Variants in PTGER2 observed in about 807,000 individuals in gnomAD.
PTGER2 encodes prostaglandin E2 receptor EP2 subtype.
In PTGER2, 22 loss-of-function variants were observed where a neutral mutation model predicts 26.2. The ratio of observed to expected loss-of-function variants is 0.84; its 90% CI spans 0.60 to 1.20. PTGER2 has a LOEUF of 1.20. Among genes scored for constraint, PTGER2 ranks in the 50% most tolerant of loss-of-function variants. The pLI, the probability that PTGER2 is intolerant of heterozygous loss-of-function variation, is 0.00. For missense variants in PTGER2, 458 were observed against 475.2 expected, an observed-to-expected ratio of 0.96 and a Z score of 0.34; for synonymous variants, 219 against 208.9, an observed-to-expected ratio of 1.05 and a Z score of -0.42.
Position 52,318,809 on chromosome 14 carries a change from GT to G in PTGER2, c.843+3426del, listed in dbSNP as rs1213179903. On this transcript the variant is annotated intron_variant, in intron 1 of 1. Transcript: ENST00000245457. ...CCAAAATTTTGGAAGTAAAACTGTAGTTTTTTTTAAAGGCCCAGTCCCTTCA... is the reference window on the plus strand; with the variant it reads ...CCAAAATTTTGGAAGTAAAACTGTAGTTTTTTTAAAGGCCCAGTCCCTTCA... 6.6e-5 allele frequency among the ~76,000 whole-genome samples: 10 copies of G among 152,204 alleles called. No individual in the cohort carries two copies. In the East Asian group the frequency reaches 1.9e-3, roughly 29 times the overall value.
intron 1 of PTGER2, among the ~76,000 whole-genome samples, chr14:52,324,597 G>C (rs1176408828): frequency 6.6e-6 from 1 of 152,116 alleles, no homozygotes; most frequent in Non-Finnish European, 1.5e-5. Context: ...GCAGAAAAGT[G>C]AAAATATAAA....
chr14:52,317,252 G>A (rs2033850040), intron 1 of PTGER2, among the ~76,000 whole-genome samples: 1 of 152,100 alleles, frequency 6.6e-6, no homozygotes, highest in Non-Finnish European at 1.5e-5. Flanking sequence ...ATGGGTTTGG[G>A]GTGATAACAC....
intron 1 of PTGER2, among the ~76,000 whole-genome samples, chr14:52,326,212 G>C (rs2033949159): frequency 6.6e-6 from 1 of 152,226 alleles, no homozygotes; most frequent in Non-Finnish European, 1.5e-5. Context: ...AGATGTGTCA[G>C]CTTTCCAGTG....
Position 52,327,557 on chromosome 14 carries a change from C to A in PTGER2, c.*103C>A. ...AGTGTGTAAACAAAATGAAGCTGCC[C>A]TAATAAAAAGGAGTATACAAACATT... On this transcript the variant is annotated 3_prime_UTR_variant, in exon 2 of 2. Transcript: ENST00000245457. The A allele has an allele frequency of 1.0e-6, 1 of 957,178 alleles. No individual in the cohort carries two copies. Among genetic ancestry groups the A allele is most frequent in the Non-Finnish European group, 1.5e-6 (1 of 651,432 alleles). 59.3% of individuals were successfully genotyped at this position (957,178 alleles called of 1,614,324 possible). A position where few individuals can be genotyped will look rare whatever the true frequency, so the allele number is the denominator to read the frequency against.
At chr14:52,323,480 C>G (rs1423529712) in intron 1 of PTGER2, among the ~76,000 whole-genome samples, 1 of 152,154 alleles carries the variant, frequency 6.6e-6, no homozygotes, top group African/African-American at 2.4e-5. Context: ...TCTCAAACTT[C>G]TCACCTCAGG....
At chr14:52,326,650 G>T (rs1328491385) in intron 1 of PTGER2, among the ~76,000 whole-genome samples, 1 of 152,166 alleles carries the variant, frequency 6.6e-6, no homozygotes, top group East Asian at 1.9e-4. Context: ...CCCACTCAGG[G>T]TGTTCCATTG....
chr14:52,322,171 G>C (rs940091249), intron 1 of PTGER2, among the ~76,000 whole-genome samples: 2 of 152,154 alleles, frequency 1.3e-5, no homozygotes, highest in Non-Finnish European at 2.9e-5. Context: ...CTGAGAAAGA[G>C]AAAGAGTACG....
chr14:52,321,859 T>C (rs1428226738), intron 1 of PTGER2, among the ~76,000 whole-genome samples: 2 of 152,184 alleles, frequency 1.3e-5, no homozygotes, highest in Admixed American at 6.5e-5. Flanking sequence ...AAAATCAGAT[T>C]GTATATTAAT....
In PTGER2 at chr14:52,314,687, G is replaced by A. The variant is rs746851094; in HGVS notation, c.139G>A (p.Ala47Thr). The change falls in exon 1 of 2, where the codon GCG becomes ACG. Residue 47 changes from alanine (A) to threonine (T), a missense_variant. Coordinates refer to ENST00000245457, the MANE Select transcript of PTGER2 (RefSeq NM_000956.4). The surrounding 1 kb of genome is among the most constrained non-coding windows in gnomAD (Gnocchi z 5.7). ...LGNLIALALLARRWRGDVGCS... is the reference protein window; with the variant it reads ...LGNLIALALLTRRWRGDVGCS... Reference sequence around the variant, plus strand: ...GAACCTCATAGCACTGGCGCTGCTGGCGCGCCGCTGGCGGGGGGACGTGGG... The same window carrying A: ...GAACCTCATAGCACTGGCGCTGCTGACGCGCCGCTGGCGGGGGGACGTGGG... 6.5e-7 allele frequency: 1 copy of A among 1,549,666 alleles called. No homozygotes were observed. Among genetic ancestry groups the A allele is most frequent in the South Asian group, 1.2e-5 (1 of 82,008 alleles).
intron 1 of PTGER2, among the ~76,000 whole-genome samples, chr14:52,317,403 G>A (rs1181930573): frequency 6.6e-6 from 1 of 152,204 alleles, no homozygotes; most frequent in African/African-American, 2.4e-5. Context: ...CTGTTTTCAT[G>A]TAAATTGGCC....
rs753177423 is a variant in PTGER2, at chr14:52,314,713, G to A, written c.165G>A (p.Gly55=). Residue 55 remains glycine, a synonymous_variant, in exon 1 of 2, where the codon GGG becomes GGA. Coordinates refer to ENST00000245457, the MANE Select transcript of PTGER2 (RefSeq NM_000956.4). This position sits in a 1 kb window ranked among gnomAD's most constrained non-coding sequence, Gnocchi z 5.7. ...LLARRWRGDV[G]CSAGRRSSLS... Reference sequence around the variant, plus strand: ...CGCGCCGCTGGCGGGGGGACGTGGGGTGCAGCGCCGGCCGCAGGAGCTCCC... The same window carrying A: ...CGCGCCGCTGGCGGGGGGACGTGGGATGCAGCGCCGGCCGCAGGAGCTCCC... 6.5e-5 allele frequency: 103 copies of A among 1,575,098 alleles called. No homozygotes were observed. Among genetic ancestry groups the A allele is most frequent in the Non-Finnish European group, 7.6e-5 (88 of 1,156,184 alleles).
chr14:52,325,365 G>A (rs185441839), intron 1 of PTGER2, among the ~76,000 whole-genome samples: 13 of 152,252 alleles, frequency 8.5e-5, no homozygotes, highest in Non-Finnish European at 1.5e-5. Context: ...ATCTTAATGT[G>A]TGAAGCTGCA....
intron 1 of PTGER2, among the ~76,000 whole-genome samples, chr14:52,316,538 G>A (rs2033842976): frequency 6.6e-6 from 1 of 152,182 alleles, no homozygotes; most frequent in African/African-American, 2.4e-5. Context: ...CAATCTTGGA[G>A]AAAAGAGATG....
At chr14:52,323,010 G>C (rs1029417205) in intron 1 of PTGER2, among the ~76,000 whole-genome samples, 7 of 152,328 alleles carry the variant, frequency 4.6e-5, no homozygotes, top group Non-Finnish European at 8.8e-5. Context: ...GTCCTGAGGT[G>C]ACGTACATCC....
intron 1 of PTGER2, among the ~76,000 whole-genome samples, chr14:52,319,642 C>T (rs950281726): frequency 3.3e-5 from 5 of 152,200 alleles, no homozygotes; most frequent in African/African-American, 1.2e-4. Flanking sequence ...ATATATGAGA[C>T]CTCTATTCTT....
At chr14:52,319,375 C>T (rs2033872733) in intron 1 of PTGER2, among the ~76,000 whole-genome samples, 2 of 152,112 alleles carry the variant, frequency 1.3e-5, no homozygotes, top group African/African-American at 4.8e-5. Flanking sequence ...ATCAGATTAT[C>T]CCTCACATAA....
chr14:52,321,946 TAAATG>T (rs574457884), intron 1 of PTGER2, among the ~76,000 whole-genome samples: 118 of 152,302 alleles, frequency 7.7e-4, no homozygotes, highest in African/African-American at 2.3e-3. Context: ...TTAAGTGTGA[TAAATG>T]AATAATTTTA....
intron 1 of PTGER2, among the ~76,000 whole-genome samples, chr14:52,321,761 C>T (rs911281862): frequency 6.6e-6 from 1 of 152,120 alleles, no homozygotes; most frequent in African/African-American, 2.4e-5. Context: ...ACAAAATATG[C>T]CTTATAAATT....
At chr14:52,324,587 G>T (rs2033930096) in intron 1 of PTGER2, among the ~76,000 whole-genome samples, 1 of 152,180 alleles carries the variant, frequency 6.6e-6, no homozygotes, top group Non-Finnish European at 1.5e-5. Flanking sequence ...AGCATAATAT[G>T]CAGAAAAGTG....
Sources: allele counts gnomAD v4.1 joint callset (sites outside exome capture counted in the v4.1 genomes callset), GRCh38; gene constraint gnomAD v4.1.1; non-coding constraint Gnocchi (gnomAD v3.1); transcripts MANE v1.5; gene names NCBI Gene and HGNC (gene_info 2026-07-23, HGNC 2026-07-21).